The following MAMDC2 variants were observed in gnomAD, a reference collection of about 807,000 sequenced individuals.
MAMDC2 encodes the protein MAM domain containing 2.
In MAMDC2, 57 loss-of-function variants were observed where a neutral mutation model predicts 89.8. The observed-to-expected ratio is 0.63, with a 90% confidence interval of 0.51 to 0.79. MAMDC2 has a LOEUF of 0.79. Ranked by LOEUF, MAMDC2 falls within the 30% of genes least tolerant of loss-of-function variation. The probability of loss-of-function intolerance (pLI) is 0.00; values close to 1 mark genes in which losing one functional copy is unlikely to be tolerated. For missense variants in MAMDC2, 800 were observed against 820.6 expected (o/e 0.97, Z 0.31); for synonymous variants, 313 against 293.4 (o/e 1.07, Z -0.68).
chr9:70,126,424 A>C lies in MAMDC2; in HGVS notation c.900+9A>C, dbSNP rs1249589394. 1 of 1,607,320 alleles carries C rather than the reference A, an allele frequency of 6.2e-7. No homozygotes were observed. The highest frequency in any genetic ancestry group is 1.7e-5 in the Admixed American group (1 of 59,916). ...CTCCTTACCCCATGGAGGTAGGTGT[A>C]CTGGTGCGCACCAGCTGTTCACTGG... On this transcript the variant is annotated intron_variant, in intron 6 of 13. Transcript: ENST00000377182.
At chr9:70,166,654 C>T (rs2032188526) in intron 9 of MAMDC2, among the ~76,000 whole-genome samples, 1 of 152,098 alleles carries the variant, frequency 6.6e-6, no homozygotes, top group African/African-American at 2.4e-5. Flanking sequence ...TGTTTGCTTG[C>T]TTACTTGCTT....
At chr9:70,218,821 T>A (rs1017179905) in intron 12 of MAMDC2, among the ~76,000 whole-genome samples, 1 of 152,216 alleles carries the variant, frequency 6.6e-6, no homozygotes, top group African/African-American at 2.4e-5. Context: ...TTTCTTGCAG[T>A]TCTATGATAA....
intron 2 of MAMDC2, among the ~76,000 whole-genome samples, chr9:70,062,189 A>G (rs1012056578): frequency 4.6e-5 from 7 of 151,856 alleles, no homozygotes; most frequent in South Asian, 2.1e-4. Flanking sequence ...ATTTTTTTTA[A>G]TTTCAAAAAA....
intron 11 of MAMDC2, among the ~76,000 whole-genome samples, chr9:70,213,051 T>A (rs1454802099): frequency 6.6e-6 from 1 of 152,050 alleles, no homozygotes; most frequent in Non-Finnish European, 1.5e-5. Context: ...AAGAAAGAAG[T>A]CAATCGAATG....
In MAMDC2 at chr9:70,226,086, A is replaced by G. The variant is rs1375079179; in HGVS notation, c.*54A>G. The G allele has an allele frequency of 3.7e-6, 4 of 1,070,438 alleles. No homozygotes were observed. The African/African-American group carries it at 6.4e-5, about 17-fold the overall frequency. 66.3% of individuals were successfully genotyped at this position (1,070,438 alleles called of 1,614,324 possible). A position where few individuals can be genotyped will look rare whatever the true frequency, so the allele number is the denominator to read the frequency against. Reference sequence around the variant, plus strand: ...GAAAACCATACCTCTCTTCAATCAAAATGAAAACAAAGCAAATGAATACTG... The same window carrying G: ...GAAAACCATACCTCTCTTCAATCAAGATGAAAACAAAGCAAATGAATACTG... On this transcript the variant is annotated 3_prime_UTR_variant, in exon 14 of 14. Coordinates refer to ENST00000377182, the MANE Select transcript of MAMDC2 (RefSeq NM_153267.5).
At chr9:70,199,751 TG>T (rs1362821037) in intron 11 of MAMDC2, among the ~76,000 whole-genome samples, 1 of 135,548 alleles carries the variant, frequency 7.4e-6, no homozygotes, top group East Asian at 2.2e-4. Flanking sequence ...TTCTAACTGG[TG>T]TGAGATGGTA....
chr9:70,212,481 G>A (rs1013104832), intron 11 of MAMDC2, among the ~76,000 whole-genome samples: 1 of 152,208 alleles, frequency 6.6e-6, no homozygotes, highest in African/African-American at 2.4e-5. Flanking sequence ...TTGGAAAAGT[G>A]CAGTATTAGA....
intron 11 of MAMDC2, among the ~76,000 whole-genome samples, chr9:70,213,488 T>C (rs1340079904): frequency 6.6e-6 from 1 of 152,212 alleles, no homozygotes; most frequent in Admixed American, 6.5e-5. Flanking sequence ...AACTTATGTG[T>C]AGGATAGCAT....
At chr9:70,218,309 C>T (rs773102006) in intron 11 of MAMDC2, 28 bp from the exon 12 acceptor site, 7 of 1,581,252 alleles carry the variant, frequency 4.4e-6, no homozygotes, top group Non-Finnish European at 6.0e-6. Context: ...TCCTTTTTAA[C>T]AATACCTGCT....
intron 7 of MAMDC2, among the ~76,000 whole-genome samples, chr9:70,138,617 G>A (rs983534702): frequency 1.3e-5 from 2 of 152,046 alleles, no homozygotes; most frequent in Admixed American, 6.6e-5. Flanking sequence ...AGATGATATC[G>A]TGTAGTTTTA....
intron 6 of MAMDC2, among the ~76,000 whole-genome samples, chr9:70,130,119 A>C (rs1391739946): frequency 1.3e-5 from 2 of 151,888 alleles, no homozygotes; most frequent in Non-Finnish European, 2.9e-5. Flanking sequence ...ACTCTACTTC[A>C]GCATGACCTT....
chr9:70,172,847 T>A (rs2032391614), intron 11 of MAMDC2: 1 of 153,038 alleles, frequency 6.5e-6, no homozygotes, highest in Non-Finnish European at 1.5e-5. Context: ...CTAAGGTGGT[T>A]CCTTATGTGT....
chr9:70,131,470 C>A, intron 6 of MAMDC2, 49 bp from the exon 7 acceptor site: 1 of 1,403,702 alleles, frequency 7.1e-7, no homozygotes, highest in Non-Finnish European at 9.8e-7. Flanking sequence ...GCACTTAAGC[C>A]AAACCGAAAA....
intron 6 of MAMDC2, among the ~76,000 whole-genome samples, chr9:70,130,156 C>A (rs2030738256): frequency 6.6e-6 from 1 of 151,882 alleles, no homozygotes; most frequent in Admixed American, 6.6e-5. Flanking sequence ...TTTGCGGTGA[C>A]CCTATTCCCA....
At chr9:70,211,910 C>T (rs1447813837) in intron 11 of MAMDC2, among the ~76,000 whole-genome samples, 1 of 152,224 alleles carries the variant, frequency 6.6e-6, no homozygotes, top group Admixed American at 6.5e-5. Context: ...CTCTGTTTGC[C>T]TGGGTATCAG....
chr9:70,094,875 T>A (rs1827987404), intron 2 of MAMDC2, among the ~76,000 whole-genome samples: 1 of 152,174 alleles, frequency 6.6e-6, no homozygotes, highest in South Asian at 2.1e-4. Context: ...GAGGTAGAGA[T>A]TAGCAAAGGC....
At chr9:70,123,634 T>C (rs113950906) in intron 5 of MAMDC2, among the ~76,000 whole-genome samples, 2 of 152,230 alleles carry the variant, frequency 1.3e-5, no homozygotes, top group East Asian at 1.9e-4. Context: ...TGCTTGGACA[T>C]AGATGGGTGC....
chr9:70,154,970 C>A (rs1471547583), intron 9 of MAMDC2, among the ~76,000 whole-genome samples: 1 of 152,052 alleles, frequency 6.6e-6, no homozygotes, highest in Non-Finnish European at 1.5e-5. Context: ...TTCCCTGCCC[C>A]ACAACACAGC....
intron 11 of MAMDC2, among the ~76,000 whole-genome samples, chr9:70,184,509 C>G (rs1756168538): frequency 6.6e-6 from 1 of 152,164 alleles, no homozygotes; most frequent in African/African-American, 2.4e-5. Flanking sequence ...CCCTCACTTT[C>G]AGGTACACCA....
Sources: gnomAD v4.1 joint callset for allele counts (sites outside exome capture counted in the v4.1 genomes callset) on GRCh38, gnomAD v4.1.1 for gene constraint, MANE v1.5 for transcripts, NCBI Gene and HGNC (gene_info 2026-07-23, HGNC 2026-07-21) for gene names.